NHEJ1: variants seen among roughly 807,000 people sequenced by gnomAD.
The protein encoded by NHEJ1 is non-homologous end-joining factor 1.
In NHEJ1, 22 loss-of-function variants were observed where a neutral mutation model predicts 39.4. That is an observed-to-expected ratio of 0.56 (90% CI 0.40 to 0.80). The LOEUF is 0.80. NHEJ1 is among the 30% of genes least tolerant of loss of function. The pLI, the probability that NHEJ1 is intolerant of heterozygous loss-of-function variation, is 0.00. For missense variants in NHEJ1, 329 were observed against 357.1 expected, an observed-to-expected ratio of 0.92 and a Z score of 0.63; for synonymous variants, 154 against 135.6, an observed-to-expected ratio of 1.14 and a Z score of -0.94.
chr2:219,155,879 C>A (rs1212053022), intron 3 of NHEJ1, among the ~76,000 whole-genome samples: 1 of 151,082 alleles, frequency 6.6e-6, no homozygotes, highest in East Asian at 1.9e-4. Flanking sequence ...GAGCTGAGAT[C>A]ACGCCACTGC....
chr2:219,151,221 A>C (rs1949792421), intron 3 of NHEJ1, among the ~76,000 whole-genome samples: 1 of 151,708 alleles, frequency 6.6e-6, no homozygotes, highest in Non-Finnish European at 1.5e-5. Flanking sequence ...TGAATATTTG[A>C]TGAGTTGAAT....
chr2:219,128,376 T>G (rs897670231), intron 5 of NHEJ1, among the ~76,000 whole-genome samples: 1 of 152,146 alleles, frequency 6.6e-6, no homozygotes, highest in African/African-American at 2.4e-5. Context: ...ATATGTCAGA[T>G]TACTTTGAAA....
chr2:219,080,615 TTA>T (rs1262378492), intron 5 of NHEJ1, among the ~76,000 whole-genome samples: 2 of 89,212 alleles, frequency 2.2e-5, no homozygotes, highest in African/African-American at 4.4e-5. Context: ...ATATATAAGC[TTA>T]TATATATGCT....
chr2:219,156,125 T>A (rs1949852864), intron 3 of NHEJ1, among the ~76,000 whole-genome samples: 1 of 150,744 alleles, frequency 6.6e-6, no homozygotes, highest in Non-Finnish European at 1.5e-5. Context: ...GGCAGGCACC[T>A]GTAGTCTCAG....
chr2:219,080,626 C>T lies in NHEJ1; in HGVS notation c.589-2420G>A, dbSNP rs1425434528. On this transcript the variant is annotated intron_variant, in intron 5 of 7. Transcript: ENST00000356853. ...TAATATATATAAGCTTATATATATG[C>T]TAATATATATAAGCTTATATATATG... Among the ~76,000 whole-genome samples the T allele has an allele frequency of 2.1e-5, 3 of 141,312 alleles. 1 individual carries two copies. Among genetic ancestry groups the T allele is most frequent in the Admixed American group, 7.0e-5 (1 of 14,186 alleles). The allele number at this position is 141,312 out of a possible 152,430, so 92.7% of individuals were successfully genotyped here.
chr2:219,121,580 C>A (rs1273035000), intron 5 of NHEJ1, among the ~76,000 whole-genome samples: 2 of 152,106 alleles, frequency 1.3e-5, no homozygotes, highest in Non-Finnish European at 2.9e-5. Flanking sequence ...GTGGCTCATA[C>A]CTATAATCCT....
At chr2:219,127,346 C>T (rs1949535509) in intron 5 of NHEJ1, among the ~76,000 whole-genome samples, 2 of 152,130 alleles carry the variant, frequency 1.3e-5, no homozygotes, top group South Asian at 2.1e-4. Context: ...TCCAGTCTTC[C>T]CTCTCAGTCA....
rs1553544992 is a variant in NHEJ1 at position 219,111,628 on chromosome 2, G to GACAGAC, written c.589-33423_589-33422insGTCTGT. 7.2e-6 allele frequency among the ~76,000 whole-genome samples: 1 copy of GACAGAC among 138,370 alleles called. No homozygotes were observed. Among genetic ancestry groups the GACAGAC allele is most frequent in the Non-Finnish European group, 1.5e-5 (1 of 64,932 alleles). 90.8% of individuals were successfully genotyped at this position (138,370 alleles called of 152,430 possible). A position where few individuals can be genotyped will look rare whatever the true frequency, so the allele number is the denominator to read the frequency against. On this transcript the variant is annotated intron_variant, in intron 5 of 7. Coordinates refer to ENST00000356853, the MANE Select transcript of NHEJ1 (RefSeq NM_024782.3). This position sits in a 1 kb window ranked among gnomAD's most constrained non-coding sequence, Gnocchi z 4.1. ...GAATTAAGTCTACAGTGTGAATACA[G>GACAGAC]ACACACACACACACACACACACACA...
At chr2:219,149,009 G>A (rs1244516709) in intron 3 of NHEJ1, among the ~76,000 whole-genome samples, 7 of 151,368 alleles carry the variant, frequency 4.6e-5, no homozygotes, top group African/African-American at 7.3e-5. Flanking sequence ...TCACCCTCCC[G>A]AGTAGCTGAG....
intron 5 of NHEJ1, among the ~76,000 whole-genome samples, chr2:219,097,596 A>T (rs150843828): frequency 6.6e-6 from 1 of 152,278 alleles, no homozygotes; most frequent in African/African-American, 2.4e-5. Flanking sequence ...CAACTCCAAG[A>T]TTTTTAACCT....
chr2:219,122,761 C>T (rs1035052047), intron 5 of NHEJ1, among the ~76,000 whole-genome samples: 11 of 152,178 alleles, frequency 7.2e-5, no homozygotes, highest in African/African-American at 2.7e-4. Flanking sequence ...CTGCAGATAC[C>T]TCATGAATAT....
chr2:219,072,108 A>G lies in NHEJ1; in HGVS notation c.*4273T>C, dbSNP rs1192931830. ...ATTCCCTATGGTCCCTCTTCCTCAC[A>G]TAAGACAAGCTACCTCATACCCTCC... On this transcript the variant is annotated 3_prime_UTR_variant, in exon 8 of 8. Transcript: ENST00000356853. Among the ~76,000 whole-genome samples the G allele has an allele frequency of 6.6e-6, 1 of 152,202 alleles. No individual in the cohort carries two copies.
Position 219,157,495 on chromosome 2 carries a change from A to C in NHEJ1, c.367T>G (p.Cys123Gly). 2 of 1,614,008 alleles carry C rather than the reference A, an allele frequency of 1.2e-6. No homozygotes were observed. Among genetic ancestry groups the C allele is most frequent in the South Asian group, 2.2e-5 (2 of 91,076 alleles). The change falls in exon 3 of 8, where the codon TGC becomes GGC. Residue 123 changes from cysteine to glycine, a missense_variant. Coordinates refer to ENST00000356853, the MANE Select transcript of NHEJ1 (RefSeq NM_024782.3). Reference protein sequence around the residue: ...SGLPFYWNFHCMLASPSLVSQ... With the variant: ...SGLPFYWNFHGMLASPSLVSQ... ...ACCAGGGAAGGACTAGCTAGCATGCAGTGGAAATTCCAATAGAAGGGGAGG... is the reference window on the plus strand; with the variant it reads ...ACCAGGGAAGGACTAGCTAGCATGCCGTGGAAATTCCAATAGAAGGGGAGG...
chr2:219,148,252 C>T (rs951385963), intron 3 of NHEJ1, among the ~76,000 whole-genome samples: 4 of 151,916 alleles, frequency 2.6e-5, no homozygotes, highest in Admixed American at 1.3e-4. Context: ...GAGTGAGACT[C>T]TTTCTCAAAA....
chr2:219,094,315 T>C (rs1190134146), intron 5 of NHEJ1, among the ~76,000 whole-genome samples: 1 of 152,048 alleles, frequency 6.6e-6, no homozygotes, highest in African/African-American at 2.4e-5. Context: ...AAGATATACT[T>C]CAATTCAGAC....
At chr2:219,148,391 A>C (rs185581040) in intron 3 of NHEJ1, among the ~76,000 whole-genome samples, 76 of 151,880 alleles carry the variant, frequency 5.0e-4, no homozygotes, top group South Asian at 1.0e-3. Flanking sequence ...CATCTCTACC[A>C]AAAAAAAATT....
At chr2:219,140,242 G>A (rs115900245) in intron 5 of NHEJ1, among the ~76,000 whole-genome samples, 3,518 of 152,322 alleles carry the variant, frequency 0.023, 143 homozygotes, top group African/African-American at 0.079. Context: ...GGTCAGAAAG[G>A]TAAGAGAGTT....
At position 219,076,026 on chromosome 2, in the gene NHEJ1, T is replaced by C. The variant is rs986175980; in HGVS notation, c.*355A>G. 5 of 439,736 alleles carry C rather than the reference T, an allele frequency of 1.1e-5. No homozygotes were observed. The highest frequency in any genetic ancestry group is 3.6e-5 in the East Asian group (1 of 27,744). 27.2% of individuals were successfully genotyped at this position (439,736 alleles called of 1,614,324 possible). ...AAGAGAGAAGTGGGTCTCTGAGGAG[T>C]ATCTGGGGCTGGCTGGCTAGAGACG... is the stretch of plus-strand genomic sequence containing the variant. On this transcript the variant is annotated 3_prime_UTR_variant, in exon 8 of 8. Transcript: ENST00000356853.
At chr2:219,157,004 T>G (rs1050448869) in intron 3 of NHEJ1, among the ~76,000 whole-genome samples, 1 of 152,208 alleles carries the variant, frequency 6.6e-6, no homozygotes, top group African/African-American at 2.4e-5. Flanking sequence ...CTACATCTCT[T>G]GCCTACAATG....
Sources: gnomAD v4.1 joint callset for allele counts (sites outside exome capture counted in the v4.1 genomes callset) on GRCh38, gnomAD v4.1.1 for gene constraint, Gnocchi (gnomAD v3.1) non-coding constraint, MANE v1.5 for transcripts, NCBI Gene and HGNC (gene_info 2026-07-23, HGNC 2026-07-21) for gene names.